ATP1A3: variants seen among roughly 807,000 people sequenced by gnomAD.
The protein encoded by ATP1A3 is sodium/potassium-transporting ATPase subunit alpha-3.
ATP1A3 carries 12 observed loss-of-function variants against 108.8 expected under a neutral mutation model. The observed-to-expected ratio is 0.11, with a 90% confidence interval of 0.07 to 0.18. The LOEUF (loss-of-function observed/expected upper bound fraction) is 0.18, where lower values mean the gene tolerates loss of function less well. Among genes scored for constraint, ATP1A3 ranks in the 10% least tolerant of loss-of-function variants. The pLI is 1.00. For synonymous variants in ATP1A3, 539 were observed against 564.5 expected (o/e 0.95, Z 0.64); for missense variants, 498 against 1,387.7 (o/e 0.36, Z 10.19).
intron 1 of ATP1A3, among the ~76,000 whole-genome samples, chr19:41,992,064 C>A (rs1314181919): frequency 7.2e-6 from 1 of 138,848 alleles, no homozygotes; most frequent in African/African-American, 2.9e-5. Flanking sequence ...GGCCTGGACT[C>A]CTGGTCTGAG....
chr19:41,986,830 C>A (rs1482335834), intron 4 of ATP1A3: 1 of 153,952 alleles, frequency 6.5e-6, no homozygotes, highest in African/African-American at 2.5e-5. Context: ...GTAGCCTCAA[C>A]CTCCCAGATT....
At position 41,988,651 on chromosome 19, in the gene ATP1A3, C is replaced by T. The variant is rs782514086; in HGVS notation, c.7-89G>A. 75 of 1,609,048 alleles carry T rather than the reference C, an allele frequency of 4.7e-5. No individual in the cohort carries two copies. Among genetic ancestry groups the T allele is most frequent in the Non-Finnish European group, 5.9e-5 (70 of 1,178,642 alleles). On this transcript the variant is annotated intron_variant, in intron 1 of 22. Transcript: ENST00000648268. The surrounding 1 kb of genome is among the most constrained non-coding windows in gnomAD (Gnocchi z 5.3). ...AGGACACCGGCCCTCCATGCCCCAG[C>T]TATCCTCCTGGCCGGTGCCCCTGCA...
At chr19:41,991,320 G>A (rs1369520330) in intron 1 of ATP1A3, among the ~76,000 whole-genome samples, 1 of 151,970 alleles carries the variant, frequency 6.6e-6, no homozygotes, top group African/African-American at 2.4e-5. Context: ...GGGAGGGGCA[G>A]CAGCCTGGAG....
chr19:41,988,580 G>C lies in ATP1A3; in HGVS notation c.7-18C>G, dbSNP rs782562097. 2 of 1,614,128 alleles carry C rather than the reference G, an allele frequency of 1.2e-6. No homozygotes were observed. ...TTCTTGTCCTGCGAGGTGGCGATAC[G>C]ATAGCTGTCAGAGCCACCAGACTGC... On this transcript the variant is annotated intron_variant, in intron 1 of 22. Transcript: ENST00000648268. The surrounding 1 kb of genome is among the most constrained non-coding windows in gnomAD (Gnocchi z 5.3).
intron 11 of ATP1A3, among the ~76,000 whole-genome samples, chr19:41,980,147 C>G (rs1271238140): frequency 1.3e-5 from 2 of 152,378 alleles, no homozygotes; most frequent in East Asian, 3.9e-4. Context: ...CTGCAGGGTT[C>G]CCTCCCTCAG....
At position 41,981,521 on chromosome 19, in the gene ATP1A3, T is replaced by C; in HGVS notation, c.1418A>G (p.Asn473Ser). Residue 473 changes from asparagine to serine, a missense_variant, in exon 11 of 23, where the codon AAT becomes AGT. This residue lies in a region of ATP1A3 where 92 missense variants were observed against 168.7 expected (regional missense o/e 0.55). Coordinates refer to ENST00000648268, the MANE Select transcript of ATP1A3 (RefSeq NM_152296.5). The surrounding 1 kb of genome is among the most constrained non-coding windows in gnomAD (Gnocchi z 5.0). ...GAGTACCTGGTATTTGTTGGTGGAA[T>C]TGAAGGGAATCTCAGCCACTTTCTT... The part of the protein sequence containing the change: ...RNKKVAEIPF[N>S]STNKYQLSIH... The C allele has an allele frequency of 6.2e-7, 1 of 1,614,156 alleles. No individual in the cohort carries two copies. Among genetic ancestry groups the C allele is most frequent in the East Asian group, 2.2e-5 (1 of 44,882 alleles).
chr19:41,983,609 T>A (rs1295264925), intron 8 of ATP1A3, among the ~76,000 whole-genome samples: 15 of 145,866 alleles, frequency 1.0e-4, no homozygotes, highest in African/African-American at 3.5e-4. Context: ...TAATAATTAT[T>A]ATTATTATTA....
In ATP1A3 at chr19:41,967,437, A is replaced by T; in HGVS notation, c.2922-97T>A. The T allele has an allele frequency of 7.1e-7, 1 of 1,407,654 alleles. No homozygotes were observed. Among genetic ancestry groups the T allele is most frequent in the Admixed American group, 1.9e-5 (1 of 51,410 alleles). 87.2% of individuals were successfully genotyped at this position (1,407,654 alleles called of 1,614,324 possible). A position where few individuals can be genotyped will look rare whatever the true frequency, so the allele number is the denominator to read the frequency against. On this transcript the variant is annotated intron_variant, in intron 21 of 22. Transcript: ENST00000648268. The surrounding 1 kb of genome is among the most constrained non-coding windows in gnomAD (Gnocchi z 4.2). Reference sequence around the variant, plus strand: ...GGACGCAGAGGGGCAGTCTCCCAGGATCCTTCGTGCTCACAGGTGGAGGGT... The same window carrying T: ...GGACGCAGAGGGGCAGTCTCCCAGGTTCCTTCGTGCTCACAGGTGGAGGGT...
At position 41,978,764 on chromosome 19, in the gene ATP1A3, T is replaced by C. The variant is rs782775696; in HGVS notation, c.1472A>G (p.Asn491Ser). 2.5e-5 allele frequency: 40 copies of C among 1,613,972 alleles called. 2 individuals carry two copies. In the Middle Eastern group the frequency reaches 9.9e-4, roughly 40 times the overall value. ...SIHETEDPNDNRYLLVMKGAP... is the reference protein window; with the variant it reads ...SIHETEDPNDSRYLLVMKGAP... ...ACCCTTCATCACCAGCAGGTATCGG[T>C]TGTCGTTGGGGTCCTCGGTCTCATG... The change falls in exon 12 of 23, where the codon AAC becomes AGC. Residue 491 changes from asparagine (N) to serine (S), a missense_variant. Asn to Ser is a conservative substitution (Grantham distance 46). This residue lies in a region of ATP1A3 where 92 missense variants were observed against 168.7 expected (regional missense o/e 0.55). Transcript: ENST00000648268. This position sits in a 1 kb window ranked among gnomAD's most constrained non-coding sequence, Gnocchi z 8.3.
At chr19:41,977,198 A>C (rs1555861641) in intron 14 of ATP1A3, among the ~76,000 whole-genome samples, 2 of 152,094 alleles carry the variant, frequency 1.3e-5, no homozygotes, top group Non-Finnish European at 2.9e-5. Context: ...AAAGTTGAAG[A>C]AGTCAGAAAA....
chr19:41,989,715 T>C (rs1272517027), intron 1 of ATP1A3, among the ~76,000 whole-genome samples: 10 of 152,160 alleles, frequency 6.6e-5, no homozygotes, highest in African/African-American at 2.4e-4. Flanking sequence ...TTTTGGCTCT[T>C]GGTCTTATTG....
Position 41,968,742 on chromosome 19 carries a change from A to G in ATP1A3, c.2819+43T>C. 4.3e-6 allele frequency: 7 copies of G among 1,612,332 alleles called. No individual in the cohort carries two copies. The highest frequency in any genetic ancestry group is 5.9e-6 in the Non-Finnish European group (7 of 1,178,818). ...TACACAGACAGACAGACACTCGGAC[A>G]GGACAGATGGCTGTCCAGTCACCAT... On this transcript the variant is annotated intron_variant, in intron 20 of 22. Transcript: ENST00000648268. This position sits in a 1 kb window ranked among gnomAD's most constrained non-coding sequence, Gnocchi z 5.0.
chr19:41,973,106 G>T (rs567678165), intron 16 of ATP1A3, among the ~76,000 whole-genome samples: 1 of 152,320 alleles, frequency 6.6e-6, no homozygotes, highest in South Asian at 2.1e-4. Context: ...ATGTGCATCA[G>T]CATAATCCAG....
chr19:41,972,386 C>A (rs1309656145), intron 16 of ATP1A3, among the ~76,000 whole-genome samples: 1 of 152,050 alleles, frequency 6.6e-6, no homozygotes, highest in African/African-American at 2.4e-5. Flanking sequence ...TGCAGCACTG[C>A]GCTCCAGCCT....
At chr19:41,970,103 G>A (rs1360846193) in intron 18 of ATP1A3, 82 bp downstream of exon 18, 2 of 1,610,952 alleles carry the variant, frequency 1.2e-6, no homozygotes, top group Non-Finnish European at 1.7e-6. Context: ...TCAATGCCAG[G>A]GTCCCAAGCA....
At chr19:41,987,830 G>A (rs1490315124) in intron 4 of ATP1A3, 106 bp downstream of exon 4, 2 of 1,370,978 alleles carry the variant, frequency 1.5e-6, no homozygotes, top group Non-Finnish European at 2.1e-6. Flanking sequence ...TGGGAAAAAG[G>A]GGGAGAGTGG....
chr19:41,979,818 T>C (rs2075211265), intron 11 of ATP1A3, among the ~76,000 whole-genome samples: 1 of 152,228 alleles, frequency 6.6e-6, no homozygotes, highest in Non-Finnish European at 1.5e-5. Context: ...ACTATTAAAT[T>C]ATACACTTAG....
intron 16 of ATP1A3, 65 bp downstream of exon 16, chr19:41,975,564 C>T: frequency 6.2e-7 from 1 of 1,603,702 alleles, no homozygotes; most frequent in South Asian, 1.1e-5. Flanking sequence ...CTGGCCAGTT[C>T]CCCTTGCTGG....
intron 14 of ATP1A3, among the ~76,000 whole-genome samples, chr19:41,977,411 C>A (rs1292766892): frequency 6.6e-6 from 1 of 151,822 alleles, no homozygotes; most frequent in Non-Finnish European, 1.5e-5. Flanking sequence ...GCAGGCCGGG[C>A]GCAGTGGCTC....
Sources: allele counts gnomAD v4.1 joint callset (sites outside exome capture counted in the v4.1 genomes callset), GRCh38; gene constraint gnomAD v4.1.1; regional missense constraint gnomAD v4.1.1; non-coding constraint Gnocchi (gnomAD v3.1); transcripts MANE v1.5; gene names NCBI Gene and HGNC (gene_info 2026-07-23, HGNC 2026-07-21).